Variants in SAMD5 observed in about 807,000 individuals in gnomAD.
SAMD5 encodes the protein sterile alpha motif domain-containing protein 5.
SAMD5 carries 13 observed loss-of-function variants against 11.3 expected under a neutral mutation model. That is an observed-to-expected ratio of 1.15 (90% CI 0.75 to 1.83). The LOEUF is 1.83. SAMD5 is among the 40% of genes most tolerant of loss of function. The pLI is 0.00. For missense variants in SAMD5, 255 were observed against 239.1 expected (o/e 1.07, Z -0.44); for synonymous variants, 129 against 111.3 (o/e 1.16, Z -1.00).
the SAMD5 span, among the ~76,000 whole-genome samples, chr6:147,830,653 T>G: frequency 6.6e-3 from 1,004 of 152,288 alleles, 7 homozygotes; most frequent in Non-Finnish European, 0.01. Context: ...CATCTGCTCC[T>G]CTTTTACTAC....
At chr6:147,666,019 A>T (rs1043060434) in intron 1 of SAMD5, among the ~76,000 whole-genome samples, 1 of 151,994 alleles carries the variant, frequency 6.6e-6, no homozygotes, top group Non-Finnish European at 1.5e-5. Flanking sequence ...GCTCACTGCA[A>T]CCTCCGCCTC....
Position 147,711,692 on chromosome 6 carries a change from A to G in SAMD5, c.163-25625A>G, listed in dbSNP as rs1374743498. Among the ~76,000 whole-genome samples the G allele has an allele frequency of 6.6e-6, 1 of 152,212 alleles. No homozygotes were observed. Among genetic ancestry groups the G allele is most frequent in the Non-Finnish European group, 1.5e-5 (1 of 68,026 alleles). On this transcript the variant is annotated intron_variant, in intron 1 of 1. Transcript: ENST00000566741. This position sits in a 1 kb window ranked among gnomAD's most constrained non-coding sequence, Gnocchi z 4.1. ...AGGGGTCATTGCTGAATTTGTAATC[A>G]GATTGTAATGAATTTCAGCTGAAGT...
the SAMD5 span, among the ~76,000 whole-genome samples, chr6:147,871,776 C>A: frequency 6.6e-6 from 1 of 152,140 alleles, no homozygotes; most frequent in Non-Finnish European, 1.5e-5. Context: ...TTACACCGTT[C>A]AAAAATCTGT....
chr6:147,785,315 G>A, the SAMD5 span, among the ~76,000 whole-genome samples: 2 of 152,260 alleles, frequency 1.3e-5, no homozygotes, highest in East Asian at 3.9e-4. Flanking sequence ...ATTGTCACGA[G>A]CTCCATTTCC....
At chr6:147,639,800 T>C (rs1383860120) in intron 1 of SAMD5, among the ~76,000 whole-genome samples, 1 of 152,212 alleles carries the variant, frequency 6.6e-6, no homozygotes, top group Non-Finnish European at 1.5e-5. Flanking sequence ...TCTGTTTTGG[T>C]TGGCAGTCAT....
At chr6:147,917,524 G>C in the SAMD5 span, among the ~76,000 whole-genome samples, 1 of 152,000 alleles carries the variant, frequency 6.6e-6, no homozygotes. Flanking sequence ...TCACTCTGAT[G>C]GTAGTTTCTT....
chr6:147,818,158 C>T, the SAMD5 span, among the ~76,000 whole-genome samples: 4,584 of 152,002 alleles, frequency 0.03, 94 homozygotes, highest in Middle Eastern at 0.051. Context: ...CGAACTAAAC[C>T]ATTCTGAGCC....
chr6:147,699,329 A>T (rs1165032808), intron 1 of SAMD5, among the ~76,000 whole-genome samples: 3 of 152,238 alleles, frequency 2.0e-5, no homozygotes, highest in Non-Finnish European at 4.4e-5. Flanking sequence ...TTAAGAAGAC[A>T]CTGCCTTCTT....
chr6:147,620,989 T>TGTGTGTGTGTGTGTGC (rs1224255627), intron 1 of SAMD5, among the ~76,000 whole-genome samples: 1 of 55,412 alleles, frequency 1.8e-5, no homozygotes, highest in African/African-American at 4.1e-5. Context: ...TGTGTGTGTG[T>TGTGTGTGTGTGTGTGC]GCGCGCGCGC....
chr6:147,643,089 A>G (rs1790338162), intron 1 of SAMD5, among the ~76,000 whole-genome samples: 1 of 152,182 alleles, frequency 6.6e-6, no homozygotes, highest in African/African-American at 2.4e-5. Context: ...CTTTACATCT[A>G]TTTCATACCC....
At chr6:147,768,523 CAAAA>C in the SAMD5 span, among the ~76,000 whole-genome samples, 2 of 151,544 alleles carry the variant, frequency 1.3e-5, no homozygotes, top group Non-Finnish European at 1.5e-5. Context: ...ACAACAACAA[CAAAA>C]AAACAGAAAA....
intron 1 of SAMD5, 79 bp from the exon 2 acceptor site, chr6:147,564,315 G>A (rs187373579): frequency 1.3e-6 from 1 of 754,932 alleles, no homozygotes; most frequent in East Asian, 2.5e-5. Context: ...CTTAAAAATA[G>A]GAGCAGAAAT....
intron 1 of SAMD5, among the ~76,000 whole-genome samples, chr6:147,611,141 G>A (rs1177945965): frequency 6.6e-6 from 1 of 152,084 alleles, no homozygotes; most frequent in Admixed American, 6.6e-5. Flanking sequence ...CAAAGTGCTG[G>A]GATTACAGGC....
At chr6:147,925,168 C>T in the SAMD5 span, among the ~76,000 whole-genome samples, 3 of 152,228 alleles carry the variant, frequency 2.0e-5, no homozygotes, top group Non-Finnish European at 2.9e-5. Flanking sequence ...AATTAGGTCA[C>T]GAGGGTGGAG....
the SAMD5 span, among the ~76,000 whole-genome samples, chr6:147,849,046 G>A: frequency 6.6e-6 from 1 of 151,992 alleles, no homozygotes; most frequent in African/African-American, 2.4e-5. Flanking sequence ...TTTAAAACCT[G>A]GCTGTAGTTT....
the SAMD5 span, among the ~76,000 whole-genome samples, chr6:147,849,208 A>C: frequency 6.7e-6 from 1 of 149,814 alleles, no homozygotes; most frequent in Non-Finnish European, 1.5e-5. Flanking sequence ...TACCCTAAGC[A>C]TATGATCCCT....
chr6:147,934,245 G>A, the SAMD5 span, among the ~76,000 whole-genome samples: 12 of 151,820 alleles, frequency 7.9e-5, no homozygotes, highest in African/African-American at 2.7e-4. Context: ...AGCTAGAAGT[G>A]TTTAACTGTT....
the SAMD5 span, among the ~76,000 whole-genome samples, chr6:147,864,177 T>A: frequency 6.6e-6 from 1 of 152,150 alleles, no homozygotes; most frequent in African/African-American, 2.4e-5. Flanking sequence ...AAACATCATC[T>A]TCACCTATGT....
chr6:147,542,408 G>T (rs1788621039), intron 1 of SAMD5, among the ~76,000 whole-genome samples: 1 of 152,192 alleles, frequency 6.6e-6, no homozygotes, highest in Non-Finnish European at 1.5e-5. Context: ...GAATTGCAAT[G>T]GAGAAAGAGT....
Sources: allele counts gnomAD v4.1 joint callset (sites outside exome capture counted in the v4.1 genomes callset), GRCh38; gene constraint gnomAD v4.1.1; non-coding constraint Gnocchi (gnomAD v3.1); transcripts MANE v1.5; gene names NCBI Gene and HGNC (gene_info 2026-07-23, HGNC 2026-07-21).